DHX40: variants seen among roughly 807,000 people sequenced by gnomAD.
The protein encoded by DHX40 is DEAH-box helicase 40.
A neutral mutation model predicts 89.6 loss-of-function variants in DHX40; 28 were observed. The observed-to-expected ratio is 0.31, with a 90% CI of 0.23 to 0.43. The LOEUF (loss-of-function observed/expected upper bound fraction) is 0.43. DHX40 is among the 20% of genes least tolerant of loss of function. The pLI, the probability that DHX40 is intolerant of heterozygous loss-of-function variation, is 1.00. For synonymous variants in DHX40, 226 were observed against 283.6 expected (o/e 0.80, Z 2.04); for missense variants, 457 against 844.0 (o/e 0.54, Z 5.68).
At chr17:59,581,182 C>T (rs1363707178) in intron 10 of DHX40, among the ~76,000 whole-genome samples, 1 of 140,908 alleles carries the variant, frequency 7.1e-6, no homozygotes, top group African/African-American at 2.7e-5. Context: ...CAGAGTAATA[C>T]TCTGTAGTTT....
At position 59,570,623 on chromosome 17, in the gene DHX40, A is replaced by T. The variant is rs779149837; in HGVS notation, c.386A>T (p.Lys129Ile). ...AEEMKCTLGSKVGYQVRFDDC... is the reference protein window; with the variant it reads ...AEEMKCTLGSIVGYQVRFDDC... The stretch of plus-strand genomic sequence containing the variant: ...GAAATGAAATGCACTTTGGGATCCA[A>T]AGTAGGATACCAAGTTCGTTTTGAT... The change falls in exon 3 of 18, where the codon AAA becomes ATA. Residue 129 changes from lysine (K) to isoleucine (I), a missense_variant. Coordinates refer to ENST00000251241, the MANE Select transcript of DHX40 (RefSeq NM_024612.5). 2 of 1,609,184 alleles carry T rather than the reference A, an allele frequency of 1.2e-6. No individual in the cohort carries two copies. The highest frequency in any genetic ancestry group is 3.4e-5 in the Admixed American group (2 of 59,352).
intron 12 of DHX40, among the ~76,000 whole-genome samples, chr17:59,590,603 G>A (rs1693130011): frequency 6.6e-6 from 1 of 151,486 alleles, no homozygotes; most frequent in Non-Finnish European, 1.5e-5. Context: ...CCCAGCAGCT[G>A]GGACCACAGA....
rs573269013 is a variant in DHX40 at position 59,573,983 on chromosome 17, C to T, written c.774+16C>T. The T allele has an allele frequency of 7.6e-7, 1 of 1,319,874 alleles. No individual in the cohort carries two copies. Among genetic ancestry groups the T allele is most frequent in the African/African-American group, 1.6e-5 (1 of 61,770 alleles). 81.8% of individuals were successfully genotyped at this position (1,319,874 alleles called of 1,614,324 possible). A position where few individuals can be genotyped will look rare whatever the true frequency, so the allele number is the denominator to read the frequency against. ...TATTCAAGCGGTATTACTTGGCATT[C>T]ATTTAATGTCTTTTTTAAATATCTA... On this transcript the variant is annotated intron_variant, in intron 5 of 17. Transcript: ENST00000251241.
In DHX40 at chr17:59,566,623, A is replaced by G; in HGVS notation, c.113-4A>G. On this transcript the variant is annotated splice_polypyrimidine_tract_variant and splice_region_variant and intron_variant, in intron 1 of 17. Transcript: ENST00000251241. ...TTAATTGACTTGTTTTTCTGTTATT[A>G]CAGAAGAGAAAGGATGCACGTCCCA... is the stretch of plus-strand genomic sequence containing the variant. 1 of 1,575,818 alleles carries G rather than the reference A, an allele frequency of 6.3e-7. No individual in the cohort carries two copies. The highest frequency in any genetic ancestry group is 8.6e-7 in the Non-Finnish European group (1 of 1,169,268).
In DHX40 at chr17:59,573,273, A is replaced by T. The variant is rs760146171; in HGVS notation, c.546+38A>T. The T allele has an allele frequency of 4.5e-6, 7 of 1,554,148 alleles. No homozygotes were observed. The East Asian group carries it at 1.6e-4, about 36-fold the overall frequency. On this transcript the variant is annotated intron_variant, in intron 4 of 17. Transcript: ENST00000251241. The stretch of plus-strand genomic sequence containing the variant: ...ATTTATTATTATTTTTTTATTAGCA[A>T]GTAGTTTGTTTGGGTAGCTTTTTAT...
rs369777587 is a variant in DHX40, at chr17:59,571,993, A to G, written c.427-1123A>G. Among the ~76,000 whole-genome samples the G allele has an allele frequency of 7.9e-5, 12 of 152,290 alleles. 2 individuals are homozygous for G. The highest frequency in any genetic ancestry group is 2.9e-4 in the African/African-American group (12 of 41,540). On this transcript the variant is annotated intron_variant, in intron 3 of 17. Coordinates refer to ENST00000251241, the MANE Select transcript of DHX40 (RefSeq NM_024612.5). ...TTTCACTGAGCATGTTTTCAGGTTG[A>G]TTTATTTTATGTGTTTGTATTCTTG...
chr17:59,586,094 A>G (rs2048991788), intron 10 of DHX40, 59 bp from the exon 11 acceptor site: 9 of 1,284,158 alleles, frequency 7.0e-6, no homozygotes, highest in Admixed American at 2.5e-5. Flanking sequence ...TCATGTCTAT[A>G]TAAAATCCTA....
chr17:59,576,785 A>G (rs544314688), intron 7 of DHX40, among the ~76,000 whole-genome samples: 1 of 152,052 alleles, frequency 6.6e-6, no homozygotes, highest in East Asian at 1.9e-4. Flanking sequence ...ACATAGACAT[A>G]TATTATTCTA....
intron 3 of DHX40, among the ~76,000 whole-genome samples, chr17:59,570,993 C>T (rs942863151): frequency 5.3e-5 from 8 of 152,280 alleles, no homozygotes; most frequent in African/African-American, 1.7e-4. Flanking sequence ...CCATTTTCTC[C>T]TTCCTTAGTT....
At position 59,573,199 on chromosome 17, in the gene DHX40, T is replaced by C. The variant is rs146081273; in HGVS notation, c.510T>C (p.Ile170=). Residue 170 remains isoleucine (I), a synonymous_variant, in exon 4 of 18, where the codon ATT becomes ATC. Transcript: ENST00000251241. ...GDPNLTKFSV[I]ILDEAHERTL... ...CAAATCTTACCAAATTCAGTGTCAT[T>C]ATTTTGGATGAAGCCCATGAAAGAA... The C allele has an allele frequency of 2.5e-6, 4 of 1,613,370 alleles. No individual in the cohort carries two copies.
chr17:59,577,111 C>T (rs889704357), intron 7 of DHX40, 155 bp from the exon 8 acceptor site: 2 of 675,168 alleles, frequency 3.0e-6, no homozygotes, highest in African/African-American at 3.5e-5. Context: ...CCTTGTGATC[C>T]TCCCGCCTCA....
chr17:59,590,690 A>C (rs866596860), intron 12 of DHX40, among the ~76,000 whole-genome samples: 3 of 151,426 alleles, frequency 2.0e-5, no homozygotes, highest in African/African-American at 4.9e-5. Flanking sequence ...GGCTGGTCTC[A>C]AACTCCTGAG....
intron 12 of DHX40, among the ~76,000 whole-genome samples, chr17:59,593,835 C>G (rs1307207113): frequency 6.6e-6 from 1 of 151,596 alleles, no homozygotes; most frequent in Non-Finnish European, 1.5e-5. Flanking sequence ...TGGATTCTTT[C>G]TTCTGCCAGC....
In DHX40 at chr17:59,573,710, T is replaced by C. The variant is rs781354621; in HGVS notation, c.547-30T>C. 8 of 1,610,484 alleles carry C rather than the reference T, an allele frequency of 5.0e-6. No individual in the cohort carries two copies. In the Admixed American group the frequency reaches 5.0e-5, roughly 10 times the overall value. ...ATAGTTTGGCTGTTAAGTGTACTTG[T>C]GACTTACTAGAAATTTACTTTTCTT... On this transcript the variant is annotated intron_variant, in intron 4 of 17. Transcript: ENST00000251241.
At chr17:59,568,332 A>C (rs1030081221) in intron 2 of DHX40, among the ~76,000 whole-genome samples, 2 of 152,250 alleles carry the variant, frequency 1.3e-5, no homozygotes, top group Admixed American at 6.5e-5. Context: ...AAAGAGCAGT[A>C]TTATATTGGA....
rs1345070160 is a variant in DHX40, at chr17:59,566,676, T to C, written c.162T>C (p.Pro54=). Residue 54 remains proline (P), a synonymous_variant, in exon 2 of 18, where the codon CCT becomes CCC. Transcript: ENST00000251241. ...SQEGGTTPTF[P]IQKQRKKIIQ... ...AGGGAGGAACTACTCCAACTTTTCCTATTCAGAAACAAAGAAAAAAGATTA... is the reference window on the plus strand; with the variant it reads ...AGGGAGGAACTACTCCAACTTTTCCCATTCAGAAACAAAGAAAAAAGATTA... 1.2e-6 allele frequency: 2 copies of C among 1,604,926 alleles called. No homozygotes were observed. The highest frequency in any genetic ancestry group is 1.1e-5 in the South Asian group (1 of 89,010).
intron 14 of DHX40, among the ~76,000 whole-genome samples, chr17:59,601,024 C>T (rs1236557155): frequency 1.3e-5 from 2 of 151,560 alleles, no homozygotes; most frequent in Admixed American, 6.6e-5. Context: ...CCATTCCCGA[C>T]AGTGCATGGT....
chr17:59,590,693 C>G (rs1296524785), intron 12 of DHX40, among the ~76,000 whole-genome samples: 1 of 151,768 alleles, frequency 6.6e-6, no homozygotes, highest in Non-Finnish European at 1.5e-5. Context: ...TGGTCTCAAA[C>G]TCCTGAGCTC....
chr17:59,594,560 A>C (rs1429836971), intron 12 of DHX40, among the ~76,000 whole-genome samples: 2 of 150,344 alleles, frequency 1.3e-5, no homozygotes, highest in African/African-American at 5.0e-5. Flanking sequence ...CCTCAGCACA[A>C]AGCCTTTTGA....
Sources: gnomAD v4.1 joint callset for allele counts (sites outside exome capture counted in the v4.1 genomes callset) on GRCh38, gnomAD v4.1.1 for gene constraint, MANE v1.5 for transcripts, NCBI Gene and HGNC (gene_info 2026-07-23, HGNC 2026-07-21) for gene names.